The following STOX2 variants were observed in gnomAD, a reference collection of about 807,000 sequenced individuals.
The protein encoded by STOX2 is storkhead box 2.
In STOX2, 28 loss-of-function variants were observed where a neutral mutation model predicts 60.9. The ratio of observed to expected loss-of-function variants is 0.46; its 90% CI spans 0.34 to 0.63. The LOEUF (loss-of-function observed/expected upper bound fraction) is 0.63, where lower values mean the gene tolerates loss of function less well. Ranked by LOEUF, STOX2 falls within the 30% of genes least tolerant of loss-of-function variation. The probability of loss-of-function intolerance (pLI) is 0.01; values close to 1 mark genes in which losing one functional copy is unlikely to be tolerated. For missense variants in STOX2, 1,024 were observed against 1,187.7 expected (o/e 0.86, Z 2.03); for synonymous variants, 472 against 463.9 (o/e 1.02, Z -0.22).
intron 1 of STOX2, among the ~76,000 whole-genome samples, chr4:183,897,552 T>C (rs1741365638): frequency 6.6e-6 from 1 of 152,210 alleles, no homozygotes; most frequent in Non-Finnish European, 1.5e-5. Flanking sequence ...CTAGTTTCTT[T>C]TAGTGAAATG....
intron 1 of STOX2, among the ~76,000 whole-genome samples, chr4:183,910,118 T>A (rs1741736797): frequency 6.6e-6 from 1 of 152,204 alleles, no homozygotes; most frequent in Admixed American, 6.5e-5. Flanking sequence ...GAATATTAAT[T>A]TCCCAGTGGT....
At chr4:183,896,731 A>G (rs1016400351) in intron 1 of STOX2, among the ~76,000 whole-genome samples, 2 of 152,232 alleles carry the variant, frequency 1.3e-5, no homozygotes, top group African/African-American at 4.8e-5. Context: ...ACGATTTTGT[A>G]ACGAGTTTGG....
intron 1 of STOX2, among the ~76,000 whole-genome samples, chr4:183,890,940 T>A (rs963624058): frequency 6.6e-6 from 1 of 152,034 alleles, no homozygotes; most frequent in Non-Finnish European, 1.5e-5. Flanking sequence ...AGACCCCATC[T>A]CTACAAAAAA....
rs1738965814 is a variant in STOX2, at chr4:183,808,667, G to A, written c.364+10612G>A. ...GTACTTTAGACACTGTCTGTTCCCA[G>A]ATAATAATGGTTACTCTAGCATCTT... On this transcript the variant is annotated intron_variant, in intron 1 of 2. Coordinates refer to the STOX2 transcript ENST00000513034. Among the ~76,000 whole-genome samples, 4 of 152,202 alleles carry A rather than the reference G, an allele frequency of 2.6e-5. No individual in the cohort carries two copies. In the South Asian group the frequency reaches 8.3e-4, roughly 31 times the overall value.
chr4:183,831,008 T>C (rs1186742360), intron 1 of STOX2, among the ~76,000 whole-genome samples: 1 of 151,626 alleles, frequency 6.6e-6, no homozygotes, highest in Non-Finnish European at 1.5e-5. Flanking sequence ...AGAAGAATCC[T>C]GGGATTCTGG....
At chr4:183,931,439 CA>C (rs1182409962) in intron 1 of STOX2, among the ~76,000 whole-genome samples, 1 of 151,854 alleles carries the variant, frequency 6.6e-6, no homozygotes, top group African/African-American at 2.4e-5. Context: ...CTCCCCCCAC[CA>C]AAAAAACTGT....
chr4:183,984,442 C>T (rs1732768061), intron 1 of STOX2, among the ~76,000 whole-genome samples: 1 of 152,174 alleles, frequency 6.6e-6, no homozygotes, highest in South Asian at 2.1e-4. Flanking sequence ...TTCTTGAGGG[C>T]AGACACCATG....
upstream of STOX2, among the ~76,000 whole-genome samples, chr4:183,903,815 T>C (rs1355274374): frequency 6.6e-6 from 1 of 152,238 alleles, no homozygotes. Context: ...GGGACCAGTT[T>C]CGTGGAAGAC....
rs1035915911 is a variant in STOX2, at chr4:184,020,424, C to T, written c.*3140C>T. On this transcript the variant is annotated 3_prime_UTR_variant, in exon 4 of 4. Coordinates refer to ENST00000308497, the MANE Select transcript of STOX2 (RefSeq NM_020225.3). ...CTCTGGCGAAGAGCCAATGGGTGAA[C>T]GTAATTGAAAGAGCTATTTACTCTT... 2.0e-5 allele frequency: 3 copies of T among 151,162 alleles called. No homozygotes were observed. The highest frequency in any genetic ancestry group is 2.9e-5 in the Non-Finnish European group (2 of 67,834). The allele number at this position is 151,162 out of a possible 1,614,324, so 9.4% of individuals were successfully genotyped here.
chr4:183,919,382 G>A (rs1191685420), intron 1 of STOX2, among the ~76,000 whole-genome samples: 3 of 152,186 alleles, frequency 2.0e-5, no homozygotes, highest in African/African-American at 4.8e-5. Flanking sequence ...GGGACTGGCC[G>A]TGGGCCAGCT....
intron 1 of STOX2, among the ~76,000 whole-genome samples, chr4:183,989,116 C>A (rs11731795): frequency 0.22 from 32,821 of 151,300 alleles, 4,349 homozygotes; most frequent in Non-Finnish European, 0.29. Flanking sequence ...ATATCTATCT[C>A]GCTCGCTGCT....
chr4:183,894,244 A>G (rs947702360), intron 1 of STOX2, among the ~76,000 whole-genome samples: 14 of 152,262 alleles, frequency 9.2e-5, no homozygotes, highest in African/African-American at 3.1e-4. Flanking sequence ...AACTACAGTT[A>G]TATTATAGCT....
At position 183,984,696 on chromosome 4, in the gene STOX2, G is replaced by A. The variant is rs561286362; in HGVS notation, c.167-16629G>A. The stretch of plus-strand genomic sequence containing the variant: ...GATCCTCCCCGTGTCCCTATGTGAC[G>A]CTGCTATTTAATCTGCTGCCAAGGA... On this transcript the variant is annotated intron_variant, in intron 1 of 3. Transcript: ENST00000308497. Among the ~76,000 whole-genome samples, 10 of 152,326 alleles carry A rather than the reference G, an allele frequency of 6.6e-5. No individual in the cohort carries two copies. The South Asian group carries it at 1.9e-3, about 28-fold the overall frequency.
rs551759916 is a variant in STOX2 at position 183,830,098 on chromosome 4, GC to G, written c.364+32046del. ...TGGGCTGTCAATGGATTTTTATGTGGCCCTGAGCACAGTGTCTCAGGGAGGT... is the reference window on the plus strand; with the variant it reads ...TGGGCTGTCAATGGATTTTTATGTGGCCTGAGCACAGTGTCTCAGGGAGGT... On this transcript the variant is annotated intron_variant, in intron 1 of 2. Coordinates refer to the STOX2 transcript ENST00000513034. Among the ~76,000 whole-genome samples the G allele has an allele frequency of 1.5e-4, 23 of 152,236 alleles. No individual in the cohort carries two copies. In the East Asian group the frequency reaches 2.1e-3, roughly 14 times the overall value.
At chr4:183,942,326 AG>A (rs937235107) in intron 1 of STOX2, among the ~76,000 whole-genome samples, 3 of 146,920 alleles carry the variant, frequency 2.0e-5, no homozygotes. Context: ...TATATGTGCC[AG>A]GCTTCTAGGT....
chr4:183,873,446 CAAAAAA>C (rs11453864), intron 1 of STOX2, among the ~76,000 whole-genome samples: 1 of 112,262 alleles, frequency 8.9e-6, no homozygotes. Flanking sequence ...AACTCTGTCT[CAAAAAA>C]AAAAAAAAAA....
At position 184,001,222 on chromosome 4, in the gene STOX2, C is replaced by G; in HGVS notation, c.167-103C>G. 1.8e-6 allele frequency: 2 copies of G among 1,113,834 alleles called. No homozygotes were observed. The highest frequency in any genetic ancestry group is 2.3e-4 in the Middle Eastern group (1 of 4,376). The allele number at this position is 1,113,834 out of a possible 1,614,324, so 69.0% of individuals were successfully genotyped here. The stretch of plus-strand genomic sequence containing the variant: ...AAGCAGCTGCTATGTTCGGAGCTGA[C>G]TGTGTTCGTCAGACCAGGGCCAGAT... On this transcript the variant is annotated intron_variant, in intron 1 of 3. Coordinates refer to ENST00000308497, the MANE Select transcript of STOX2 (RefSeq NM_020225.3). This position sits in a 1 kb window ranked among gnomAD's most constrained non-coding sequence, Gnocchi z 4.2.
At chr4:183,854,153 T>C (rs1417456986) in intron 1 of STOX2, among the ~76,000 whole-genome samples, 1 of 152,248 alleles carries the variant, frequency 6.6e-6, no homozygotes, top group African/African-American at 2.4e-5. Context: ...TGTTCTTTCC[T>C]GAAGCTTGTG....
chr4:184,011,066 A>G lies in STOX2; in HGVS notation c.2228A>G (p.Glu743Gly). The G allele has an allele frequency of 6.2e-7, 1 of 1,610,180 alleles. No individual in the cohort carries two copies. The highest frequency in any genetic ancestry group is 8.5e-7 in the Non-Finnish European group (1 of 1,178,010). ...TTGCCAGGCCGATGTGAGAAACTGG[A>G]ACCGTCCCTGGGGACCTCGGCGGCA... Reference protein sequence around the residue: ...DTLPGRCEKLEPSLGTSAAQA... With the variant: ...DTLPGRCEKLGPSLGTSAAQA... Residue 743 changes from glutamate to glycine, a missense_variant, in exon 3 of 4, where the codon GAA (glutamate) becomes GGA (glycine). By Grantham distance (98) the Glu-to-Gly change is moderately conservative. Coordinates refer to ENST00000308497, the MANE Select transcript of STOX2 (RefSeq NM_020225.3). This position sits in a 1 kb window ranked among gnomAD's most constrained non-coding sequence, Gnocchi z 4.4.
Sources: allele counts gnomAD v4.1 joint callset (sites outside exome capture counted in the v4.1 genomes callset), GRCh38; gene constraint gnomAD v4.1.1; non-coding constraint Gnocchi (gnomAD v3.1); transcripts MANE v1.5; gene names NCBI Gene and HGNC (gene_info 2026-07-23, HGNC 2026-07-21).